TRABD: variants seen among roughly 807,000 people sequenced by gnomAD.
TRABD encodes the protein TraB domain containing, also known as traB domain-containing protein.
A neutral mutation model predicts 39.6 loss-of-function variants in TRABD; 23 were observed. The ratio of observed to expected loss-of-function variants is 0.58; its 90% CI spans 0.42 to 0.82. The LOEUF is 0.82. TRABD is among the 40% of genes least tolerant of loss of function. TRABD has a pLI of 0.00. For synonymous variants in TRABD, 243 were observed against 232.1 expected, an observed-to-expected ratio of 1.05 and a Z score of -0.43; for missense variants, 487 against 544.9, an observed-to-expected ratio of 0.89 and a Z score of 1.06.
At chr22:50,193,991 C>A (rs1008045857) in intron 3 of TRABD, among the ~76,000 whole-genome samples, 1 of 10,054 alleles carries the variant, frequency 9.9e-5, no homozygotes, top group South Asian at 6.7e-3. Flanking sequence ...GGGCCCATTT[C>A]GCCTCAGAGC....
chr22:50,197,856 C>T lies in TRABD; in HGVS notation c.705C>T (p.Asp235=), dbSNP rs752114049. The T allele has an allele frequency of 6.2e-6, 10 of 1,608,744 alleles. No homozygotes were observed. The Admixed American group carries it at 1.0e-4, about 16-fold the overall frequency. Residue 235 remains aspartate (D), a synonymous_variant, in exon 8 of 10, where the codon GAC becomes GAT. Coordinates refer to ENST00000380909, the MANE Select transcript of TRABD (RefSeq NM_001320485.2). ...KDDVERCKQK[D]LLEQMMAEMI... is the part of the protein sequence containing the mutation. Reference sequence around the variant, plus strand: ...ACGTGGAACGCTGCAAGCAGAAGGACCTACTGGAGCAGATGATGGCCGAGA... The same window carrying T: ...ACGTGGAACGCTGCAAGCAGAAGGATCTACTGGAGCAGATGATGGCCGAGA...
chr22:50,193,779 C>A, intron 3 of TRABD, 125 bp downstream of exon 3: 1 of 909,188 alleles, frequency 1.1e-6, no homozygotes. Flanking sequence ...CTGGCCGAGA[C>A]CTGAGGTAGG....
chr22:50,197,222 C>A lies in TRABD; in HGVS notation c.421-19C>A. ...CCGCACCCGCCCCTCCAGCTGATGC[C>A]TGCTCCCTCTCTCTGCAGAACGGGC... On this transcript the variant is annotated intron_variant, in intron 5 of 9. Transcript: ENST00000380909. 1 of 1,611,212 alleles carries A rather than the reference C, an allele frequency of 6.2e-7. No homozygotes were observed. The highest frequency in any genetic ancestry group is 1.1e-5 in the South Asian group (1 of 90,866).
chr22:50,188,173 G>A (rs1356283365), intron 1 of TRABD, among the ~76,000 whole-genome samples: 3 of 152,026 alleles, frequency 2.0e-5, no homozygotes, highest in South Asian at 2.1e-4. Context: ...CCAGCTACTC[G>A]GGAGGCTGAG....
chr22:50,192,983 C>G, intron 1 of TRABD, 44 bp from the exon 2 acceptor site: 1 of 1,517,990 alleles, frequency 6.6e-7, no homozygotes, highest in South Asian at 1.2e-5. Flanking sequence ...TGAGCCAGGT[C>G]TGGGGCTCCA....
intron 5 of TRABD, among the ~76,000 whole-genome samples, chr22:50,195,950 G>A (rs976316146): frequency 2.0e-5 from 3 of 152,168 alleles, no homozygotes; most frequent in Non-Finnish European, 2.9e-5. Flanking sequence ...TCTGTGGGCC[G>A]TCTTCTAAAG....
intron 1 of TRABD, among the ~76,000 whole-genome samples, chr22:50,188,026 A>T (rs891208490): frequency 2.6e-5 from 4 of 151,888 alleles, no homozygotes; most frequent in African/African-American, 9.7e-5. Context: ...TCACACCTGT[A>T]ACCCCAGCAC....
chr22:50,186,902 A>G (rs1422520446), intron 1 of TRABD, among the ~76,000 whole-genome samples: 1 of 152,256 alleles, frequency 6.6e-6, no homozygotes, highest in Admixed American at 6.5e-5. Flanking sequence ...TCTGGGCACT[A>G]GCGTCCCAGA....
chr22:50,190,801 G>A (rs530974319), intron 1 of TRABD, among the ~76,000 whole-genome samples: 3 of 152,340 alleles, frequency 2.0e-5, no homozygotes, highest in Admixed American at 2.0e-4. Context: ...CTTCCGGTGG[G>A]TTCCGGTCGG....
In TRABD at chr22:50,198,688, A is replaced by C; in HGVS notation, c.*169A>C. 1 of 630,510 alleles carries C rather than the reference A, an allele frequency of 1.6e-6. No individual in the cohort carries two copies. The highest frequency in any genetic ancestry group is 2.6e-6 in the Non-Finnish European group (1 of 385,620). The allele number at this position is 630,510 out of a possible 1,614,324, so 39.1% of individuals were successfully genotyped here. A position where few individuals can be genotyped will look rare whatever the true frequency, so the allele number is the denominator to read the frequency against. Reference sequence around the variant, plus strand: ...GTCACCCCTCCCCCAGCCCACCCAAATAAAGGATTATTTAACTGTCTGAGC... The same window carrying C: ...GTCACCCCTCCCCCAGCCCACCCAACTAAAGGATTATTTAACTGTCTGAGC... On this transcript the variant is annotated 3_prime_UTR_variant, in exon 10 of 10. Transcript: ENST00000380909. This position sits in a 1 kb window ranked among gnomAD's most constrained non-coding sequence, Gnocchi z 7.9.
Position 50,188,129 on chromosome 22 carries a change from A to T in TRABD, c.-35+2153A>T, listed in dbSNP as rs527396720. Among the ~76,000 whole-genome samples the T allele has an allele frequency of 3.7e-3, 555 of 149,656 alleles. 3 individuals are homozygous for T. The highest frequency in any genetic ancestry group is 6.0e-3 in the Non-Finnish European group (404 of 67,348). ...ACCCCATCTCTACTAAAAATACAAA[A>T]ATTAGCTGGGGGTGGTGGCGCACGC... On this transcript the variant is annotated intron_variant, in intron 1 of 9. Transcript: ENST00000380909.
At chr22:50,197,776 C>CCCCCCCCA in intron 7 of TRABD, 47 bp from the exon 8 acceptor site, 4 of 1,439,442 alleles carry the variant, frequency 2.8e-6, no homozygotes, top group Non-Finnish European at 2.9e-6. Flanking sequence ...CCCACCCCCC[C>CCCCCCCCA]AGCCCGTTGC....
chr22:50,194,841 G>A (rs969235629), intron 4 of TRABD, 59 bp from the exon 5 acceptor site: 33 of 1,578,484 alleles, frequency 2.1e-5, no homozygotes, highest in Non-Finnish European at 2.8e-5. Flanking sequence ...GCTGGCGTCA[G>A]CTGTGCTGAG....
At chr22:50,186,199 C>T (rs1232140433) in intron 1 of TRABD, among the ~76,000 whole-genome samples, 1 of 105,714 alleles carries the variant, frequency 9.5e-6, no homozygotes, top group African/African-American at 3.8e-5. Flanking sequence ...GGTTTTGGGG[C>T]CGGGGGAGCA....
At chr22:50,190,216 G>C (rs2147093498) in intron 1 of TRABD, among the ~76,000 whole-genome samples, 2 of 152,346 alleles carry the variant, frequency 1.3e-5, no homozygotes, top group South Asian at 4.1e-4. Flanking sequence ...CCTCTGCTGA[G>C]AGGCTGCAGG....
rs773211387 is a variant in TRABD at position 50,197,969 on chromosome 22, G to A, written c.818G>A (p.Arg273His). Residue 273 changes from arginine to histidine, a missense_variant, in exon 8 of 10, where the codon CGC becomes CAC. Physicochemically the swap from Arg to His is conservative, Grantham distance 29. This residue lies in a region of TRABD where 358 missense variants were observed against 414.7 expected (regional missense o/e 0.86). Transcript: ENST00000380909. Reference protein sequence around the residue: ...LTYMLRQAARRLELPRASDAE... With the variant: ...LTYMLRQAARHLELPRASDAE... ...TACATGCTGCGCCAGGCCGCGCGGC[G>A]CCTCGAGCTGCCTCGGGCCTCTGAC... 6.2e-6 allele frequency: 10 copies of A among 1,612,298 alleles called. No individual in the cohort carries two copies. The highest frequency in any genetic ancestry group is 5.5e-5 in the South Asian group (5 of 91,062).
In TRABD at chr22:50,199,196, A is replaced by C. The variant is rs55810238; in HGVS notation, c.*677A>C. The C allele has an allele frequency of 0.036, 25,663 of 709,250 alleles. 672 individuals are homozygous for C. Among genetic ancestry groups the C allele is most frequent in the Non-Finnish European group, 0.049 (18,689 of 380,422 alleles). 43.9% of individuals were successfully genotyped at this position (709,250 alleles called of 1,614,324 possible). A position where few individuals can be genotyped will look rare whatever the true frequency, so the allele number is the denominator to read the frequency against. On this transcript the variant is annotated 3_prime_UTR_variant, in exon 10 of 10. Coordinates refer to ENST00000380909, the MANE Select transcript of TRABD (RefSeq NM_001320485.2). The stretch of plus-strand genomic sequence containing the variant: ...AATTCGTGTTCTTGGGTCTGTCCCG[A>C]GTGGGCTCGCGTGCAGCCAAACATC...
intron 5 of TRABD, among the ~76,000 whole-genome samples, chr22:50,195,655 G>A (rs1470098210): frequency 6.6e-6 from 1 of 151,806 alleles, no homozygotes; most frequent in Non-Finnish European, 1.5e-5. Context: ...GTAGAGACGG[G>A]GTTTCACCAT....
intron 1 of TRABD, chr22:50,191,799 T>C (rs1202579783): frequency 6.6e-6 from 1 of 152,262 alleles, no homozygotes; most frequent in Non-Finnish European, 1.5e-5. Flanking sequence ...TCACCCAGGT[T>C]GGAGTGCAGT....
Sources: gnomAD v4.1 joint callset for allele counts (sites outside exome capture counted in the v4.1 genomes callset) on GRCh38, gnomAD v4.1.1 for gene constraint, gnomAD v4.1.1 regional missense constraint, Gnocchi (gnomAD v3.1) non-coding constraint, MANE v1.5 for transcripts, NCBI Gene and HGNC (gene_info 2026-07-23, HGNC 2026-07-21) for gene names.